Variants in HK2 observed in about 807,000 individuals in gnomAD.
HK2 encodes the protein hexokinase 2.
HK2 carries 42 observed loss-of-function variants against 92.9 expected under a neutral mutation model. The ratio of observed to expected loss-of-function variants is 0.45; its 90% CI spans 0.35 to 0.58. The LOEUF is 0.58. Among genes scored for constraint, HK2 ranks in the 20% least tolerant of loss-of-function variants. The pLI, the probability that HK2 is intolerant of heterozygous loss-of-function variation, is 0.00. For missense variants in HK2, 978 were observed against 1,245.1 expected, an observed-to-expected ratio of 0.79 and a Z score of 3.23; for synonymous variants, 422 against 468.0, an observed-to-expected ratio of 0.90 and a Z score of 1.27.
Position 74,854,260 on chromosome 2 carries a change from G to C in HK2, c.64-33G>C, listed in dbSNP as rs776702857. ...ACCTATGCCATAATTTATTTAACCA[G>C]TGGTTTCTGCTCTTGTCTTCCTCCT... On this transcript the variant is annotated intron_variant, in intron 1 of 17. Transcript: ENST00000290573. 5.6e-6 allele frequency: 9 copies of C among 1,608,070 alleles called. No homozygotes were observed. The Middle Eastern group carries it at 6.7e-4, about 120-fold the overall frequency.
Position 74,854,436 on chromosome 2 carries a change from G to A in HK2, c.207G>A (p.Arg69=). The change falls in exon 2 of 18, where the codon AGG becomes AGA. Residue 69 remains arginine, a synonymous_variant. Coordinates refer to ENST00000290573, the MANE Select transcript of HK2 (RefSeq NM_000189.5). ...TGAAGATGCTGCCCACCTTTGTGAG[G>A]TCCACTCCAGATGGGACAGGTACTG... ...AAVKMLPTFV[R]STPDGTEHGE... 6.2e-7 allele frequency: 1 copy of A among 1,614,174 alleles called. No homozygotes were observed. The highest frequency in any genetic ancestry group is 8.5e-7 in the Non-Finnish European group (1 of 1,180,034).
In HK2 at chr2:74,860,204, G is replaced by A. The variant is rs748225718; in HGVS notation, c.226+5749G>A. Among the ~76,000 whole-genome samples, 34 of 147,072 alleles carry A rather than the reference G, an allele frequency of 2.3e-4. 2 individuals carry two copies. Among genetic ancestry groups the A allele is most frequent in the African/African-American group, 8.4e-4 (33 of 39,468 alleles). ...GGGTGGGGGGCATGAGGGTAGGAGG[G>A]TGGGGGGTGGTGTGGATGATGAGAA... On this transcript the variant is annotated intron_variant, in intron 2 of 17. Coordinates refer to ENST00000290573, the MANE Select transcript of HK2 (RefSeq NM_000189.5).
chr2:74,879,980 G>T (rs563782981), intron 9 of HK2, among the ~76,000 whole-genome samples: 1 of 152,348 alleles, frequency 6.6e-6, no homozygotes, highest in Admixed American at 6.5e-5. Flanking sequence ...GCCTTCTTCA[G>T]TGAGGAAGAG....
At chr2:74,888,368 G>A (rs1300323880) in intron 16 of HK2, among the ~76,000 whole-genome samples, 1 of 152,234 alleles carries the variant, frequency 6.6e-6, no homozygotes, top group Admixed American at 6.5e-5. Flanking sequence ...GAAACGCACA[G>A]AGGAAGATAA....
At chr2:74,859,388 T>TA (rs1275523881) in intron 2 of HK2, among the ~76,000 whole-genome samples, 2 of 152,162 alleles carry the variant, frequency 1.3e-5, no homozygotes, top group African/African-American at 2.4e-5. Context: ...TATTATCTGA[T>TA]AAAAAAATAA....
chr2:74,834,526 C>T lies in HK2; in HGVS notation c.-55C>T. On this transcript the variant is annotated 5_prime_UTR_variant, in exon 1 of 18. Transcript: ENST00000290573. The surrounding 1 kb of genome is among the most constrained non-coding windows in gnomAD (Gnocchi z 4.2). ...GCAGTCGGACCGCGCCGCCCGCCTC[C>T]CCTCTCGCGTCTCCGCCTCGGTTTC... 4 of 1,575,670 alleles carry T rather than the reference C, an allele frequency of 2.5e-6. No homozygotes were observed. Among genetic ancestry groups the T allele is most frequent in the Middle Eastern group, 1.7e-4 (1 of 5,932 alleles).
chr2:74,879,611 G>A (rs1042045724), intron 9 of HK2, among the ~76,000 whole-genome samples: 6 of 152,182 alleles, frequency 3.9e-5, no homozygotes, highest in African/African-American at 1.4e-4. Flanking sequence ...TCTGGGGTGA[G>A]TCTGAGATCC....
chr2:74,836,563 C>G (rs571113549), intron 1 of HK2, among the ~76,000 whole-genome samples: 2 of 152,354 alleles, frequency 1.3e-5, no homozygotes, highest in South Asian at 4.1e-4. Flanking sequence ...TAGGTTTTCT[C>G]TACCCTTGCA....
chr2:74,884,511 G>T (rs1689474983), intron 12 of HK2, among the ~76,000 whole-genome samples: 1 of 152,236 alleles, frequency 6.6e-6, no homozygotes, highest in African/African-American at 2.4e-5. Flanking sequence ...AGAGCTGGGT[G>T]GAGATCAGCA....
Position 74,873,371 on chromosome 2 carries a change from G to T in HK2, c.591G>T (p.Gly197=). The T allele has an allele frequency of 6.2e-7, 1 of 1,610,276 alleles. No homozygotes were observed. Among genetic ancestry groups the T allele is most frequent in the Non-Finnish European group, 8.5e-7 (1 of 1,176,532 alleles). Residue 197 remains glycine (G), a splice_region_variant and synonymous_variant, in exon 5 of 18, where the codon GGG becomes GGT. Transcript: ENST00000290573. ...ALIRKAIQRR[G]DFDIDIVAVV... is the part of the protein sequence containing the mutation. ...TCCGGAAGGCCATCCAGAGGAGAGG[G>T]GTGAGTGGGGTGGCAGGAGCTTGGG...
chr2:74,836,410 C>CT (rs1688166329), intron 1 of HK2, among the ~76,000 whole-genome samples: 1 of 152,210 alleles, frequency 6.6e-6, no homozygotes, highest in African/African-American at 2.4e-5. Context: ...GTTGTAATCT[C>CT]TGTCTTGTGG....
chr2:74,854,361 C>T lies in HK2; in HGVS notation c.132C>T (p.Arg44=). 6.2e-7 allele frequency: 1 copy of T among 1,613,930 alleles called. No homozygotes were observed. The highest frequency in any genetic ancestry group is 1.1e-5 in the South Asian group (1 of 91,066). ...TCTTGGAGATCTCTAAGCGGTTCCG[C>T]AAGGAGATGGAGAAAGGGCTTGGAG... ...ETLLEISKRF[R]KEMEKGLGAT... is the part of the protein sequence containing the mutation. Residue 44 remains arginine (R), a synonymous_variant, in exon 2 of 18, where the codon CGC becomes CGT. Coordinates refer to ENST00000290573, the MANE Select transcript of HK2 (RefSeq NM_000189.5).
intron 1 of HK2, among the ~76,000 whole-genome samples, chr2:74,840,254 A>C (rs1573351149): frequency 1.4e-5 from 2 of 148,076 alleles, no homozygotes; most frequent in Admixed American, 6.7e-5. Context: ...CCACCGCGCC[A>C]GGCATTTTTT....
At position 74,893,301 on chromosome 2, in the gene HK2, ATTAACTATGTGATG is replaced by A. The variant is rs1689727864; in HGVS notation, c.*2369_*2382del. The A allele has an allele frequency of 6.6e-6, 1 of 152,194 alleles. No homozygotes were observed. The highest frequency in any genetic ancestry group is 1.5e-5 in the Non-Finnish European group (1 of 68,038). 9.4% of individuals were successfully genotyped at this position (152,194 alleles called of 1,614,324 possible). On this transcript the variant is annotated 3_prime_UTR_variant, in exon 18 of 18. Transcript: ENST00000290573. The stretch of plus-strand genomic sequence containing the variant: ...TTATGTACAATACATAACTAGTTTA[ATTAACTATGTGATG>A]TTAACTATTATTAATAAATTTTAAC...
intron 8 of HK2, 116 bp from the exon 9 acceptor site, chr2:74,878,572 G>A (rs1208234322): frequency 2.4e-6 from 2 of 821,094 alleles, no homozygotes; most frequent in Non-Finnish European, 4.2e-6. Flanking sequence ...GAGGGATTCT[G>A]TCCCCACTGG....
chr2:74,885,652 G>A (rs1689505455), intron 13 of HK2, 63 bp downstream of exon 13: 2 of 1,105,328 alleles, frequency 1.8e-6, no homozygotes, highest in Non-Finnish European at 2.8e-6. Flanking sequence ...TGGTCTGTGT[G>A]TTCAGAAAGT....
chr2:74,880,116 G>C, intron 9 of HK2, 149 bp from the exon 10 acceptor site: 2 of 844,366 alleles, frequency 2.4e-6, no homozygotes, highest in Non-Finnish European at 4.0e-6. Flanking sequence ...TCCTAACTTG[G>C]GACAGTGGAG....
At position 74,878,887 on chromosome 2, in the gene HK2, G is replaced by C; in HGVS notation, c.1231G>C (p.Gly411Arg). ...KGEERLRSTI[G>R]VDGSVYKKHP... ...CGAGGAGCGGCTGCGCTCTACTATT[G>C]GGGTCGACGGTTCCGTCTACAAGAA... The change falls in exon 9 of 18, where the codon GGG becomes CGG. Residue 411 changes from glycine to arginine, a missense_variant. By Grantham distance (125) the Gly-to-Arg change is moderately radical. Around this residue, in one of 3 missense-constraint regions of HK2, gnomAD observed 742 missense variants for 922.5 expected, o/e 0.80. Transcript: ENST00000290573. 6.4e-7 allele frequency: 1 copy of C among 1,551,642 alleles called. No individual in the cohort carries two copies. The highest frequency in any genetic ancestry group is 8.7e-7 in the Non-Finnish European group (1 of 1,147,102).
intron 7 of HK2, 100 bp downstream of exon 7, chr2:74,874,549 C>T (rs1689181576): frequency 2.5e-6 from 3 of 1,203,266 alleles, no homozygotes; most frequent in East Asian, 5.1e-5. Context: ...GTCTTACATC[C>T]CCAAAGCTTG....
Sources: allele counts gnomAD v4.1 joint callset (sites outside exome capture counted in the v4.1 genomes callset), GRCh38; gene constraint gnomAD v4.1.1; regional missense constraint gnomAD v4.1.1; non-coding constraint Gnocchi (gnomAD v3.1); transcripts MANE v1.5; gene names NCBI Gene and HGNC (gene_info 2026-07-23, HGNC 2026-07-21).